Variants in GRID2 observed in about 807,000 individuals in gnomAD.
GRID2 encodes glutamate ionotropic receptor delta type subunit 2, also known as glutamate receptor ionotropic, delta-2.
A neutral mutation model predicts 114.8 loss-of-function variants in GRID2; 33 were observed. The observed-to-expected ratio is 0.29, with a 90% CI of 0.22 to 0.38. GRID2 has a LOEUF of 0.38. GRID2 is among the 10% of genes least tolerant of loss of function. GRID2 has a pLI of 1.00. For missense variants in GRID2, 1,184 were observed against 1,257.7 expected, an observed-to-expected ratio of 0.94 and a Z score of 0.89; for synonymous variants, 505 against 449.9, an observed-to-expected ratio of 1.12 and a Z score of -1.55.
intron 3 of GRID2, among the ~76,000 whole-genome samples, chr4:93,104,939 TC>T (rs1454361746): frequency 2.0e-5 from 3 of 151,894 alleles, no homozygotes; most frequent in Non-Finnish European, 2.9e-5. Context: ...GTAAAAGTGT[TC>T]CTGTTTCTCC....
chr4:92,684,970 CTACTAA>C (rs1234701646), intron 2 of GRID2, among the ~76,000 whole-genome samples: 16 of 152,060 alleles, frequency 1.1e-4, no homozygotes, highest in African/African-American at 3.9e-4. Flanking sequence ...TTTCTAATTA[CTACTAA>C]TACTCTCAAA....
intron 2 of GRID2, among the ~76,000 whole-genome samples, chr4:92,886,861 G>A (rs933445437): frequency 6.6e-6 from 1 of 151,878 alleles, no homozygotes; most frequent in Non-Finnish European, 1.5e-5. Flanking sequence ...ACCTGACCTC[G>A]TGATCCACCC....
rs919164897 is a variant in GRID2 at position 92,346,994 on chromosome 4, C to G, written c.88+42250C>G. Among the ~76,000 whole-genome samples the G allele has an allele frequency of 3.9e-5, 6 of 152,110 alleles. 1 individual carries two copies. Among genetic ancestry groups the G allele is most frequent in the Admixed American group, 3.3e-4 (5 of 15,258 alleles). On this transcript the variant is annotated intron_variant, in intron 1 of 15. Coordinates refer to ENST00000282020, the MANE Select transcript of GRID2 (RefSeq NM_001510.4). Reference sequence around the variant, plus strand: ...AGGCTGAATGTTTCACATTTTTTCTCTTAGTCCAGAAAATATGTTCTGCTT... The same window carrying G: ...AGGCTGAATGTTTCACATTTTTTCTGTTAGTCCAGAAAATATGTTCTGCTT...
chr4:93,216,932 T>C (rs761598577), intron 6 of GRID2, 21 bp downstream of exon 6: 2 of 1,569,004 alleles, frequency 1.3e-6, no homozygotes, highest in East Asian at 4.5e-5. Context: ...AATGACAGGA[T>C]ATTTCTTCCA....
chr4:93,771,084 T>C (rs113399855), intron 15 of GRID2, among the ~76,000 whole-genome samples: 130 of 152,318 alleles, frequency 8.5e-4, no homozygotes, highest in African/African-American at 3.1e-3. Context: ...TATTTTCTCC[T>C]CTTATGATTA....
At chr4:92,597,355 T>C (rs747333294) in intron 2 of GRID2, among the ~76,000 whole-genome samples, 3 of 152,158 alleles carry the variant, frequency 2.0e-5, no homozygotes, top group Non-Finnish European at 4.4e-5. Flanking sequence ...TCATTTGATA[T>C]CATACTCTTG....
At chr4:93,781,365 C>T (rs917037600) in intron 1 of GRID2, among the ~76,000 whole-genome samples, 9 of 150,218 alleles carry the variant, frequency 6.0e-5, no homozygotes, top group African/African-American at 1.7e-4. Context: ...TGAGGGGCTG[C>T]GGTGAGACCT....
chr4:92,409,443 T>G (rs193197818), intron 1 of GRID2, among the ~76,000 whole-genome samples: 20 of 152,234 alleles, frequency 1.3e-4, no homozygotes, highest in African/African-American at 4.3e-4. Context: ...GAGTATTTCA[T>G]TTTTAAGTAT....
chr4:92,891,712 G>A (rs1409648732), intron 2 of GRID2, among the ~76,000 whole-genome samples: 1 of 152,164 alleles, frequency 6.6e-6, no homozygotes, highest in Non-Finnish European at 1.5e-5. Context: ...ATCTGGGACA[G>A]ACTTGCCTAT....
At chr4:93,613,312 C>T (rs1351102866) in intron 13 of GRID2, among the ~76,000 whole-genome samples, 4 of 137,046 alleles carry the variant, frequency 2.9e-5, no homozygotes, top group East Asian at 2.0e-4. Context: ...TCTCTCAGCT[C>T]GTCAAAATCA....
At chr4:93,706,027 C>T (rs1162199658) in intron 14 of GRID2, among the ~76,000 whole-genome samples, 1 of 152,038 alleles carries the variant, frequency 6.6e-6, no homozygotes, top group Non-Finnish European at 1.5e-5. Context: ...CTATTCTGTA[C>T]CATTAGTCTA....
chr4:92,541,667 TAAAAG>T (rs1271128757), intron 1 of GRID2, among the ~76,000 whole-genome samples: 1 of 151,878 alleles, frequency 6.6e-6, no homozygotes, highest in Non-Finnish European at 1.5e-5. Context: ...TGGTCAAAAA[TAAAAG>T]AAAATATTGT....
intron 1 of GRID2, among the ~76,000 whole-genome samples, chr4:92,544,606 A>C (rs1345517714): frequency 6.6e-6 from 1 of 152,172 alleles, no homozygotes; most frequent in African/African-American, 2.4e-5. Context: ...TAACATATTA[A>C]AAGAGCACTG....
At position 93,084,964 on chromosome 4, in the gene GRID2, A is replaced by T. The variant is rs201955891; in HGVS notation, c.245-31A>T. Reference sequence around the variant, plus strand: ...AGGGAAAACTATGTGAAACCCACTGACATTTTGAATATTACTGTGCTTTCT... The same window carrying T: ...AGGGAAAACTATGTGAAACCCACTGTCATTTTGAATATTACTGTGCTTTCT... On this transcript the variant is annotated intron_variant, in intron 2 of 15. Coordinates refer to ENST00000282020, the MANE Select transcript of GRID2 (RefSeq NM_001510.4). The T allele has an allele frequency of 9.4e-6, 15 of 1,587,760 alleles. No homozygotes were observed. In the East Asian group the frequency reaches 3.4e-4, roughly 36 times the overall value.
intron 8 of GRID2, among the ~76,000 whole-genome samples, chr4:93,350,692 G>A (rs1253422691): frequency 1.3e-5 from 2 of 151,838 alleles, no homozygotes; most frequent in African/African-American, 4.8e-5. Context: ...AAGATATAGG[G>A]GCTAATAAGT....
rs532666595 is a variant in GRID2, at chr4:92,571,530, G to A, written c.89-18601G>A. Among the ~76,000 whole-genome samples the A allele has an allele frequency of 4.5e-4, 69 of 152,194 alleles. 1 individual carries two copies. In the South Asian group the frequency reaches 0.013, roughly 28 times the overall value. On this transcript the variant is annotated intron_variant, in intron 1 of 15. Transcript: ENST00000282020. The stretch of plus-strand genomic sequence containing the variant: ...ATTGAACTCAGCTCTGCACCAAATG[G>A]ACCTAATAGACATCTACAGAACTCT...
chr4:92,316,010 AAAAAG>A (rs902988080), intron 1 of GRID2, among the ~76,000 whole-genome samples: 4 of 150,882 alleles, frequency 2.7e-5, no homozygotes, highest in African/African-American at 7.3e-5. Flanking sequence ...AAAAAAAAAA[AAAAAG>A]AAAAGAGAAC....
At chr4:93,217,541 A>C (rs1744374325) in intron 6 of GRID2, among the ~76,000 whole-genome samples, 1 of 152,102 alleles carries the variant, frequency 6.6e-6, no homozygotes, top group Admixed American at 6.6e-5. Flanking sequence ...TCTTTTTCTT[A>C]AGAAAAAGCC....
chr4:93,776,008 A>C (rs1417547935), downstream of GRID2, among the ~76,000 whole-genome samples: 1 of 152,212 alleles, frequency 6.6e-6, no homozygotes, highest in East Asian at 1.9e-4. Context: ...TTGAATAACA[A>C]GTTATTACTA....
Sources: gnomAD v4.1 joint callset for allele counts (sites outside exome capture counted in the v4.1 genomes callset) on GRCh38, gnomAD v4.1.1 for gene constraint, MANE v1.5 for transcripts, NCBI Gene and HGNC (gene_info 2026-07-23, HGNC 2026-07-21) for gene names.